MAST4: variants seen among roughly 807,000 people sequenced by gnomAD.
MAST4 encodes the protein microtubule associated serine/threonine kinase family member 4.
In MAST4, 89 loss-of-function variants were observed where a neutral mutation model predicts 162.7. The ratio of observed to expected loss-of-function variants is 0.55; its 90% CI spans 0.46 to 0.65. The LOEUF is 0.65. Among genes scored for constraint, MAST4 ranks in the 30% least tolerant of loss-of-function variants. The pLI is 0.00. For synonymous variants in MAST4, 1,479 were observed against 1,361.1 expected, an observed-to-expected ratio of 1.09 and a Z score of -1.91; for missense variants, 3,153 against 3,374.0, an observed-to-expected ratio of 0.93 and a Z score of 1.62.
chr5:66,938,794 C>G (rs1026244036), intron 4 of MAST4, among the ~76,000 whole-genome samples: 1 of 152,098 alleles, frequency 6.6e-6, no homozygotes. Context: ...TTAAATGGTA[C>G]AGTGATTTGT....
chr5:66,646,873 G>T (rs1311886934), intron 1 of MAST4, among the ~76,000 whole-genome samples: 1 of 152,056 alleles, frequency 6.6e-6, no homozygotes, highest in Non-Finnish European at 1.5e-5. Flanking sequence ...TGTAATGCTG[G>T]GCTATATAAC....
At chr5:67,142,769 A>G (rs1481800183) in intron 21 of MAST4, 3 of 409,638 alleles carry the variant, frequency 7.3e-6, no homozygotes, top group Admixed American at 4.1e-5. Flanking sequence ...AGAGATTCAG[A>G]TAGCTGAGAC....
chr5:66,601,048 G>A (rs930658229), intron 1 of MAST4, among the ~76,000 whole-genome samples: 3 of 152,186 alleles, frequency 2.0e-5, no homozygotes, highest in Admixed American at 1.3e-4. Flanking sequence ...TGAGCATGAC[G>A]ACTGCTTTTA....
At chr5:66,954,631 T>A (rs1745085281) in intron 4 of MAST4, among the ~76,000 whole-genome samples, 1 of 152,146 alleles carries the variant, frequency 6.6e-6, no homozygotes, top group Non-Finnish European at 1.5e-5. Context: ...CTGGGCGTGG[T>A]GTCTCACACA....
At chr5:66,874,915 T>A (rs1022312923) in intron 3 of MAST4, among the ~76,000 whole-genome samples, 2 of 152,178 alleles carry the variant, frequency 1.3e-5, no homozygotes, top group South Asian at 2.1e-4. Context: ...AGAAACCCAC[T>A]GTTCACAGGG....
At chr5:66,839,629 C>T (rs1758276864) in intron 3 of MAST4, among the ~76,000 whole-genome samples, 1 of 151,974 alleles carries the variant, frequency 6.6e-6, no homozygotes, top group Non-Finnish European at 1.5e-5. Flanking sequence ...TGACAACTTG[C>T]CTACAAGTCT....
intron 3 of MAST4, among the ~76,000 whole-genome samples, chr5:66,790,845 T>C (rs1440364334): frequency 6.6e-6 from 1 of 152,138 alleles, no homozygotes; most frequent in Non-Finnish European, 1.5e-5. Context: ...ATTTACTTTT[T>C]AAGGAAAGAG....
chr5:66,791,181 G>A (rs1032801628), intron 3 of MAST4, among the ~76,000 whole-genome samples: 2 of 152,110 alleles, frequency 1.3e-5, no homozygotes, highest in South Asian at 2.1e-4. Context: ...ACACCACCAC[G>A]CCTGACTAAT....
At chr5:66,692,177 G>T (rs187437237) in intron 1 of MAST4, among the ~76,000 whole-genome samples, 1 of 152,046 alleles carries the variant, frequency 6.6e-6, no homozygotes, top group African/African-American at 2.4e-5. Context: ...TCTCTCGCTC[G>T]CTTGCTCTCT....
intron 19 of MAST4, among the ~76,000 whole-genome samples, chr5:67,141,006 T>G (rs1158497920): frequency 6.6e-6 from 1 of 152,224 alleles, no homozygotes; most frequent in Non-Finnish European, 1.5e-5. Context: ...GGTTTAGAGC[T>G]AGGGCTGACA....
chr5:67,154,751 C>G (rs1772281407), intron 26 of MAST4, among the ~76,000 whole-genome samples: 1 of 152,216 alleles, frequency 6.6e-6, no homozygotes, highest in African/African-American at 2.4e-5. Context: ...AACATCCTGC[C>G]TGTGTTCATA....
Position 67,149,524 on chromosome 5 carries a change from A to G in MAST4, c.3230A>G (p.Lys1077Arg), listed in dbSNP as rs1771537069. Reference protein sequence around the residue: ...ARQRLESTEKKKISGKVTKSL... With the variant: ...ARQRLESTEKRKISGKVTKSL... ...CAGCGATTAGAAAGCACAGAAAAAA[A>G]GAAAATCTCGGGGAAAGTCACAAAG... Residue 1077 changes from lysine (K) to arginine (R), a missense_variant, in exon 24 of 29, where the codon AAG becomes AGG. This residue lies in a region of MAST4 where 619 missense variants were observed against 744.2 expected (regional missense o/e 0.83). Coordinates refer to ENST00000403625, the MANE Select transcript of MAST4 (RefSeq NM_001164664.2). The G allele has an allele frequency of 1.2e-6, 2 of 1,613,724 alleles. No individual in the cohort carries two copies. Among genetic ancestry groups the G allele is most frequent in the South Asian group, 1.1e-5 (1 of 90,994 alleles).
chr5:66,874,214 A>G (rs1561402939), intron 3 of MAST4, among the ~76,000 whole-genome samples: 1 of 152,156 alleles, frequency 6.6e-6, no homozygotes, highest in Non-Finnish European at 1.5e-5. Flanking sequence ...GAGCTCCGTA[A>G]TACAGCAAAT....
intron 1 of MAST4, among the ~76,000 whole-genome samples, chr5:66,686,061 A>T (rs1462100051): frequency 6.6e-6 from 1 of 152,094 alleles, no homozygotes; most frequent in East Asian, 1.9e-4. Flanking sequence ...TGTGGGGCTC[A>T]CTTCCTAACA....
At chr5:66,924,580 T>C (rs1053091977) in intron 4 of MAST4, among the ~76,000 whole-genome samples, 1 of 152,124 alleles carries the variant, frequency 6.6e-6, no homozygotes, top group Non-Finnish European at 1.5e-5. Flanking sequence ...TAATTTTTTG[T>C]ATTTTTAGTA....
chr5:67,159,338 A>C (rs905861405), intron 26 of MAST4, among the ~76,000 whole-genome samples: 1 of 152,096 alleles, frequency 6.6e-6, no homozygotes. Context: ...TAAGCTTCTT[A>C]ATTTTTTTTT....
At chr5:66,676,289 C>T (rs1353850886) in intron 1 of MAST4, among the ~76,000 whole-genome samples, 2 of 152,246 alleles carry the variant, frequency 1.3e-5, no homozygotes. Flanking sequence ...GGGAGGTTTA[C>T]AATACCATAC....
intron 3 of MAST4, among the ~76,000 whole-genome samples, chr5:66,866,906 C>T (rs555566586): frequency 4.3e-4 from 61 of 141,782 alleles, no homozygotes; most frequent in African/African-American, 1.3e-3. Flanking sequence ...TGGGCTACCA[C>T]GGCAGGCTTT....
intron 3 of MAST4, among the ~76,000 whole-genome samples, chr5:66,812,423 C>A (rs577382606): frequency 6.6e-6 from 1 of 152,142 alleles, no homozygotes; most frequent in African/African-American, 2.4e-5. Context: ...GAACACTTAT[C>A]GTCTGTCCTC....
Sources: gnomAD v4.1 joint callset for allele counts (sites outside exome capture counted in the v4.1 genomes callset) on GRCh38, gnomAD v4.1.1 for gene constraint, gnomAD v4.1.1 regional missense constraint, MANE v1.5 for transcripts, NCBI Gene and HGNC (gene_info 2026-07-23, HGNC 2026-07-21) for gene names.